NTM: variants seen among roughly 807,000 people sequenced by gnomAD.
NTM encodes the protein IgLON family member 2.
NTM carries 13 observed loss-of-function variants against 42.1 expected under a neutral mutation model. The observed-to-expected ratio is 0.31, with a 90% CI of 0.20 to 0.49. The LOEUF (loss-of-function observed/expected upper bound fraction) is 0.49, where lower values mean the gene tolerates loss of function less well. Among genes scored for constraint, NTM ranks in the 20% least tolerant of loss-of-function variants. The pLI, the probability that NTM is intolerant of heterozygous loss-of-function variation, is 0.99. For synonymous variants in NTM, 187 were observed against 179.2 expected, an observed-to-expected ratio of 1.04 and a Z score of -0.35; for missense variants, 373 against 452.8, an observed-to-expected ratio of 0.82 and a Z score of 1.60.
intron 2 of NTM, among the ~76,000 whole-genome samples, chr11:132,017,862 C>G (rs2073683071): frequency 6.6e-6 from 1 of 151,850 alleles, no homozygotes. Flanking sequence ...GCATTTATTG[C>G]TGTTTAATTT....
At chr11:132,020,575 A>G (rs1421014435) in intron 2 of NTM, among the ~76,000 whole-genome samples, 1 of 152,102 alleles carries the variant, frequency 6.6e-6, no homozygotes, top group Non-Finnish European at 1.5e-5. Flanking sequence ...CTTTAGATTG[A>G]TAGTAACTAA....
intron 1 of NTM, among the ~76,000 whole-genome samples, chr11:131,878,996 C>A (rs2049038630): frequency 6.6e-6 from 1 of 152,072 alleles, no homozygotes; most frequent in South Asian, 2.1e-4. Context: ...AATACCACCT[C>A]CAATCCACGG....
At chr11:132,158,776 C>A (rs1484255291) in intron 3 of NTM, among the ~76,000 whole-genome samples, 4 of 152,188 alleles carry the variant, frequency 2.6e-5, no homozygotes, top group African/African-American at 4.8e-5. Context: ...AGTCTCAGAC[C>A]AGGTGACATT....
chr11:131,803,796 C>T (rs1037147026), intron 1 of NTM, among the ~76,000 whole-genome samples: 1 of 152,196 alleles, frequency 6.6e-6, no homozygotes, highest in African/African-American at 2.4e-5. Flanking sequence ...TGGGCTCCTC[C>T]GCCTTGTCTG....
At chr11:131,968,659 T>C (rs1328017285) in intron 2 of NTM, among the ~76,000 whole-genome samples, 1 of 152,208 alleles carries the variant, frequency 6.6e-6, no homozygotes, top group Non-Finnish European at 1.5e-5. Flanking sequence ...TGTGCTGTAG[T>C]AAAAGTGTAG....
At chr11:132,113,421 G>T (rs1304916676) in intron 2 of NTM, among the ~76,000 whole-genome samples, 2 of 152,186 alleles carry the variant, frequency 1.3e-5, no homozygotes, top group Non-Finnish European at 2.9e-5. Context: ...CAGTCTGTGT[G>T]CACCACGTAC....
At chr11:131,767,240 A>G (rs1355419696) in intron 1 of NTM, 1 of 419,794 alleles carries the variant, frequency 2.4e-6, no homozygotes, top group Non-Finnish European at 3.2e-6. Flanking sequence ...ACCTCATAGG[A>G]TTGTTGTAAG....
intron 2 of NTM, among the ~76,000 whole-genome samples, chr11:131,936,887 A>T (rs1040461291): frequency 6.6e-6 from 1 of 152,200 alleles, no homozygotes; most frequent in Non-Finnish European, 1.5e-5. Context: ...TAGGAGGTAG[A>T]TTCTGTTATT....
intron 2 of NTM, among the ~76,000 whole-genome samples, chr11:131,915,844 A>G (rs867076959): frequency 1.3e-4 from 20 of 152,198 alleles, no homozygotes; most frequent in Admixed American, 2.6e-4. Flanking sequence ...CAGTATGGGG[A>G]AAACTGCCCC....
rs570408462 is a variant in NTM, at chr11:131,912,312, A to C, written c.167+664A>C. On this transcript the variant is annotated intron_variant, in intron 2 of 8. Coordinates refer to ENST00000683400, the MANE Select transcript of NTM (RefSeq NM_001352005.2). ...GAACTGTGTTCTGTTCCTGCTCTCC[A>C]CCAAAACGGTACATGCAAAACTCGT... Among the ~76,000 whole-genome samples, 5 of 152,234 alleles carry C rather than the reference A, an allele frequency of 3.3e-5. No individual in the cohort carries two copies. The South Asian group carries it at 1.0e-3, about 32-fold the overall frequency.
chr11:131,980,498 A>G (rs867661026), intron 2 of NTM, among the ~76,000 whole-genome samples: 3 of 152,238 alleles, frequency 2.0e-5, no homozygotes, highest in Non-Finnish European at 2.9e-5. Context: ...TTATTTCATT[A>G]TGGCTTACTT....
chr11:131,825,742 G>A (rs865781847), intron 1 of NTM, among the ~76,000 whole-genome samples: 15 of 152,286 alleles, frequency 9.8e-5, no homozygotes, highest in Middle Eastern at 3.4e-3. Context: ...ACCAGTTAAT[G>A]GGTTTGGGTG....
At chr11:132,244,954 C>T (rs765723912) in intron 4 of NTM, among the ~76,000 whole-genome samples, 68 of 152,326 alleles carry the variant, frequency 4.5e-4, no homozygotes, top group South Asian at 1.7e-3. Context: ...ACAGGTTGTA[C>T]GTTTGCGCCC....
chr11:131,677,763 G>A (rs941746458), intron 1 of NTM, among the ~76,000 whole-genome samples: 2 of 152,198 alleles, frequency 1.3e-5, no homozygotes, highest in Admixed American at 6.5e-5. Flanking sequence ...TCAACCTCAT[G>A]CAGTCAGGAA....
chr11:131,869,395 C>T (rs1263440423), intron 1 of NTM, among the ~76,000 whole-genome samples: 1 of 152,238 alleles, frequency 6.6e-6, no homozygotes, highest in Non-Finnish European at 1.5e-5. Context: ...AGCTTGAAGA[C>T]TTCCCCACTC....
chr11:131,378,741 A>G (rs1037015257), intron 1 of NTM, among the ~76,000 whole-genome samples: 3 of 152,186 alleles, frequency 2.0e-5, no homozygotes, highest in Non-Finnish European at 4.4e-5. Context: ...GTGCTCAGCA[A>G]TGACAAGCCT....
chr11:131,830,354 A>G (rs1193147970), intron 1 of NTM, among the ~76,000 whole-genome samples: 2 of 152,200 alleles, frequency 1.3e-5, no homozygotes, highest in Non-Finnish European at 2.9e-5. Context: ...ATATTGTAAA[A>G]GACAGAAGTC....
intron 1 of NTM, among the ~76,000 whole-genome samples, chr11:131,486,868 G>T (rs562585576): frequency 6.6e-6 from 1 of 152,104 alleles, no homozygotes; most frequent in South Asian, 2.1e-4. Flanking sequence ...GGAAGCAGAC[G>T]AATAGCGGGA....
chr11:131,528,331 T>C (rs1417536776), intron 1 of NTM, among the ~76,000 whole-genome samples: 1 of 150,878 alleles, frequency 6.6e-6, no homozygotes, highest in African/African-American at 2.5e-5. Flanking sequence ...AACTGGCATT[T>C]ATTAAGCACT....
Sources: gnomAD v4.1 joint callset for allele counts (sites outside exome capture counted in the v4.1 genomes callset) on GRCh38, gnomAD v4.1.1 for gene constraint, MANE v1.5 for transcripts, NCBI Gene and HGNC (gene_info 2026-07-23, HGNC 2026-07-21) for gene names.